RPL37A: variants seen among roughly 807,000 people sequenced by gnomAD.
The protein encoded by RPL37A is large ribosomal subunit protein eL43.
A neutral mutation model predicts 13.6 loss-of-function variants in RPL37A; 5 were observed. The observed-to-expected ratio is 0.37, with a 90% CI of 0.19 to 0.78. The LOEUF (loss-of-function observed/expected upper bound fraction) is 0.78, where lower values mean the gene tolerates loss of function less well. Ranked by LOEUF, RPL37A falls within the 30% of genes least tolerant of loss-of-function variation. The pLI is 0.49. For synonymous variants in RPL37A, 50 were observed against 44.4 expected (o/e 1.13, Z -0.50); for missense variants, 77 against 120.0 (o/e 0.64, Z 1.67).
rs1267828829 is a variant in RPL37A, at chr2:216,502,807, A to G, written c.*1403A>G. 1 of 152,112 alleles carries G rather than the reference A, an allele frequency of 6.6e-6. No individual in the cohort carries two copies. 9.4% of individuals were successfully genotyped at this position (152,112 alleles called of 1,614,324 possible). A position where few individuals can be genotyped will look rare whatever the true frequency, so the allele number is the denominator to read the frequency against. The stretch of plus-strand genomic sequence containing the variant: ...CTTGGTCTGACCCCTATCTTCTATA[A>G]CTTGTTTTTTTGCTCATTACTGGCC... On this transcript the variant is annotated 3_prime_UTR_variant, in exon 4 of 4. Transcript: ENST00000491306.
At chr2:216,500,106 G>C (rs1695574292) in intron 3 of RPL37A, 75 bp downstream of exon 3, 1 of 1,148,046 alleles carries the variant, frequency 8.7e-7, no homozygotes, top group African/African-American at 1.5e-5. Context: ...TGCTGGATGG[G>C]CTAGTTTTAA....
Position 216,500,018 on chromosome 2 carries a change from G to T in RPL37A, c.202G>T (p.Ala68Ser), listed in dbSNP as rs745839935. The T allele has an allele frequency of 6.2e-6, 10 of 1,613,382 alleles. 1 individual carries two copies. Among genetic ancestry groups the T allele is most frequent in the East Asian group, 4.5e-5 (2 of 44,884 alleles). Residue 68 changes from alanine to serine, a missense_variant, in exon 3 of 4, where the codon GCC becomes TCC. By Grantham distance (99) the Ala-to-Ser change is moderately conservative. Transcript: ENST00000491306. ...GSCMKTVAGGAWTYNTTSAVT... is the reference protein window; with the variant it reads ...GSCMKTVAGGSWTYNTTSAVT... ...CTGCATGAAGACAGTGGCTGGCGGTGCCTGGACGTACAAGTGAGTCTAGTT... is the reference window on the plus strand; with the variant it reads ...CTGCATGAAGACAGTGGCTGGCGGTTCCTGGACGTACAAGTGAGTCTAGTT...
chr2:216,500,483 T>G (rs1695581004), intron 3 of RPL37A: 1 of 191,738 alleles, frequency 5.2e-6, no homozygotes, highest in South Asian at 1.0e-4. Flanking sequence ...AATCTGCAAC[T>G]CAGTATCACC....
At chr2:216,500,087 C>G in intron 3 of RPL37A, 56 bp downstream of exon 3, 1 of 1,398,228 alleles carries the variant, frequency 7.2e-7, no homozygotes, top group Non-Finnish European at 1.0e-6. Flanking sequence ...GGCCCAAATT[C>G]CAGGTTGCTG....
chr2:216,501,066 A>T, intron 3 of RPL37A: 1 of 262,052 alleles, frequency 3.8e-6, no homozygotes, highest in Non-Finnish European at 7.3e-6. Flanking sequence ...GATGCATGAG[A>T]TTGTATGTCT....
intron 2 of RPL37A, 35 bp from the exon 3 acceptor site, chr2:216,499,914 C>A (rs768734933): frequency 2.6e-6 from 4 of 1,549,510 alleles, no homozygotes; most frequent in Non-Finnish European, 3.6e-6. Flanking sequence ...AAAATACTTA[C>A]TTGGTTCATA....
At position 216,501,411 on chromosome 2, in the gene RPL37A, C is replaced by A. The variant is rs1348992420; in HGVS notation, c.*7C>A. The A allele has an allele frequency of 6.2e-7, 1 of 1,600,342 alleles. No individual in the cohort carries two copies. Among genetic ancestry groups the A allele is most frequent in the East Asian group, 2.2e-5 (1 of 44,820 alleles). On this transcript the variant is annotated 3_prime_UTR_variant, in exon 4 of 4. Coordinates refer to ENST00000491306, the MANE Select transcript of RPL37A (RefSeq NM_000998.5). ...GGAGTTGAAAGACCAGTAGACGCTC[C>A]TCTACTCTTTGAGACATCACTGGCC...
At position 216,499,223 on chromosome 2, in the gene RPL37A, G is replaced by A. The variant is rs777005817; in HGVS notation, c.4-47G>A. On this transcript the variant is annotated intron_variant, in intron 1 of 3. Coordinates refer to ENST00000491306, the MANE Select transcript of RPL37A (RefSeq NM_000998.5). ...ACGGTGTGTGGAGGCTCCAGGGCCTGCCTGGGTTCCAGGTCTATCACTGGT... is the reference window on the plus strand; with the variant it reads ...ACGGTGTGTGGAGGCTCCAGGGCCTACCTGGGTTCCAGGTCTATCACTGGT... 6 of 1,588,116 alleles carry A rather than the reference G, an allele frequency of 3.8e-6. No homozygotes were observed. In the South Asian group the frequency reaches 4.6e-5, roughly 12 times the overall value.
intron 1 of RPL37A, 141 bp from the exon 2 acceptor site, chr2:216,499,129 G>A (rs1464541575): frequency 2.0e-5 from 25 of 1,254,784 alleles, no homozygotes; most frequent in Non-Finnish European, 2.7e-5. Context: ...TGGTTTCGTT[G>A]GGTTGAATTT....
chr2:216,501,005 T>TC (rs1294350192), intron 3 of RPL37A: 1 of 197,260 alleles, frequency 5.1e-6, no homozygotes, highest in Non-Finnish European at 1.0e-5. Flanking sequence ...AGCTTGCTTG[T>TC]CCACAACTGA....
rs770059894 is a variant in RPL37A, at chr2:216,498,869, G to A, written c.-6G>A. On this transcript the variant is annotated 5_prime_UTR_variant, in exon 1 of 4. Coordinates refer to ENST00000491306, the MANE Select transcript of RPL37A (RefSeq NM_000998.5). ...CTTTCTGGGCTCGGACCTAGGTCGC[G>A]GCGACATGGTGAGTGTGGGTCTCTG... The A allele has an allele frequency of 1.2e-6, 2 of 1,614,090 alleles. No homozygotes were observed. The highest frequency in any genetic ancestry group is 2.2e-5 in the East Asian group (1 of 44,876).
At chr2:216,499,537 GATAAA>G (rs1190272707) in intron 2 of RPL37A, 139 bp downstream of exon 2, 7 of 1,073,450 alleles carry the variant, frequency 6.5e-6, no homozygotes, top group Middle Eastern at 4.5e-4. Context: ...TGAGTTTTAA[GATAAA>G]AGTGTTGATG....
At chr2:216,499,825 T>A (rs1695568509) in intron 2 of RPL37A, 124 bp from the exon 3 acceptor site, 1 of 856,196 alleles carries the variant, frequency 1.2e-6, no homozygotes, top group African/African-American at 1.7e-5. Context: ...CCTGTTTTGT[T>A]TTTGAGGGAG....
chr2:216,499,356 A>G lies in RPL37A; in HGVS notation c.90A>G (p.Glu30=), dbSNP rs770037592. 1 of 1,614,176 alleles carries G rather than the reference A, an allele frequency of 6.2e-7. No individual in the cohort carries two copies. Residue 30 remains glutamate, a synonymous_variant, in exon 2 of 4, where the codon GAA becomes GAG. Transcript: ENST00000491306. ...ASLRKMVKKI[E]ISQHAKYTCS... Reference sequence around the variant, plus strand: ...TCCGGAAAATGGTGAAGAAAATTGAAATCAGCCAGCACGCCAAGTACACTT... The same window carrying G: ...TCCGGAAAATGGTGAAGAAAATTGAGATCAGCCAGCACGCCAAGTACACTT...
In RPL37A at chr2:216,499,525, T is replaced by A. The variant is rs376351665; in HGVS notation, c.132+127T>A. 6.6e-4 allele frequency: 763 copies of A among 1,147,736 alleles called. 7 individuals are homozygous for A. The South Asian group carries it at 0.012, about 18-fold the overall frequency. 71.1% of individuals were successfully genotyped at this position (1,147,736 alleles called of 1,614,324 possible). On this transcript the variant is annotated intron_variant, in intron 2 of 3. Coordinates refer to ENST00000491306, the MANE Select transcript of RPL37A (RefSeq NM_000998.5). ...AGTTGGAATTACTCATACCGTTGAT[T>A]ATGAGTTTTAAGATAAAAGTGTTGA...
intron 3 of RPL37A, 137 bp downstream of exon 3, chr2:216,500,168 TC>T (rs1276727603): frequency 2.1e-4 from 140 of 668,270 alleles, no homozygotes; most frequent in Non-Finnish European, 3.0e-4. Context: ...TCAGGATTCT[TC>T]CGTGGTGGTT....
chr2:216,499,983 A>G lies in RPL37A; in HGVS notation c.167A>G (p.His56Arg), dbSNP rs1457761118. ...KMKRRAVGIWHCGSCMKTVAG... is the reference protein window; with the variant it reads ...KMKRRAVGIWRCGSCMKTVAG... Reference sequence around the variant, plus strand: ...AAGAGACGAGCTGTGGGGATCTGGCACTGTGGTTCCTGCATGAAGACAGTG... The same window carrying G: ...AAGAGACGAGCTGTGGGGATCTGGCGCTGTGGTTCCTGCATGAAGACAGTG... The change falls in exon 3 of 4, where the codon CAC (histidine) becomes CGC (arginine). Residue 56 changes from histidine (H) to arginine (R), a missense_variant. His to Arg is a conservative substitution (Grantham distance 29). Around this residue, in one of 3 missense-constraint regions of RPL37A, gnomAD observed 59 missense variants for 65.5 expected, o/e 0.90. Coordinates refer to ENST00000491306, the MANE Select transcript of RPL37A (RefSeq NM_000998.5). The G allele has an allele frequency of 6.2e-7, 1 of 1,614,102 alleles. No homozygotes were observed. Among genetic ancestry groups the G allele is most frequent in the Non-Finnish European group, 8.5e-7 (1 of 1,179,998 alleles).
At chr2:216,500,502 C>T (rs1321716983) in intron 3 of RPL37A, 11 of 182,158 alleles carry the variant, frequency 6.0e-5, no homozygotes, top group Middle Eastern at 2.6e-3. Context: ...CCTGACAGGG[C>T]GATACTACAA....
chr2:216,498,894 G>C lies in RPL37A; in HGVS notation c.3+17G>C. ...GGCGACATGGTGAGTGTGGGTCTCTGTGCGGCCTAGAACTCTATCTGCCTG... is the reference window on the plus strand; with the variant it reads ...GGCGACATGGTGAGTGTGGGTCTCTCTGCGGCCTAGAACTCTATCTGCCTG... On this transcript the variant is annotated intron_variant, in intron 1 of 3. Coordinates refer to ENST00000491306, the MANE Select transcript of RPL37A (RefSeq NM_000998.5). 3 of 1,614,048 alleles carry C rather than the reference G, an allele frequency of 1.9e-6. No homozygotes were observed. The highest frequency in any genetic ancestry group is 1.7e-6 in the Non-Finnish European group (2 of 1,179,916).
Sources: gnomAD v4.1 joint callset for allele counts on GRCh38, gnomAD v4.1.1 for gene constraint, gnomAD v4.1.1 regional missense constraint, MANE v1.5 for transcripts, NCBI Gene and HGNC (gene_info 2026-07-23, HGNC 2026-07-21) for gene names.